LSAMP: variants seen among roughly 807,000 people sequenced by gnomAD.
LSAMP encodes the protein limbic system-associated membrane protein.
In LSAMP, 7 loss-of-function variants were observed where a neutral mutation model predicts 38.6. The observed-to-expected ratio is 0.18, with a 90% CI of 0.10 to 0.34. LSAMP has a LOEUF of 0.34. Ranked by LOEUF, LSAMP falls within the 10% of genes least tolerant of loss-of-function variation. The pLI is 1.00. For missense variants in LSAMP, 313 were observed against 420.0 expected (o/e 0.75, Z 2.23); for synonymous variants, 154 against 166.8 (o/e 0.92, Z 0.59).
At chr3:116,308,870 GA>G (rs1388841218) in intron 1 of LSAMP, among the ~76,000 whole-genome samples, 1 of 152,040 alleles carries the variant, frequency 6.6e-6, no homozygotes, top group Non-Finnish European at 1.5e-5. Context: ...ACAAACGTAA[GA>G]TATCATCATT....
chr3:116,097,537 TAATA>T (rs1248890201), intron 1 of LSAMP, among the ~76,000 whole-genome samples: 2 of 152,200 alleles, frequency 1.3e-5, no homozygotes, highest in African/African-American at 4.8e-5. Context: ...ACATGACAAT[TAATA>T]GATACAACAT....
chr3:115,862,332 C>T (rs547584823), intron 3 of LSAMP, among the ~76,000 whole-genome samples: 3 of 152,184 alleles, frequency 2.0e-5, no homozygotes, highest in Non-Finnish European at 4.4e-5. Context: ...AGGGTGATTG[C>T]ACTATGGAAG....
At chr3:116,329,221 C>T (rs575854691) in intron 1 of LSAMP, among the ~76,000 whole-genome samples, 1 of 152,208 alleles carries the variant, frequency 6.6e-6, no homozygotes, top group Non-Finnish European at 1.5e-5. Context: ...TTACAACAGC[C>T]CAGTGAATTT....
chr3:115,985,247 C>G (rs888213178), intron 3 of LSAMP, among the ~76,000 whole-genome samples: 4 of 152,084 alleles, frequency 2.6e-5, no homozygotes, highest in African/African-American at 7.2e-5. Flanking sequence ...AGTACCAAAG[C>G]GTTGCTGGAA....
At chr3:116,424,667 C>T (rs568218614) in intron 1 of LSAMP, among the ~76,000 whole-genome samples, 3 of 152,280 alleles carry the variant, frequency 2.0e-5, no homozygotes, top group South Asian at 2.1e-4. Flanking sequence ...TTAAATACCA[C>T]ATTACTTACC....
chr3:116,296,564 G>A (rs1045246681), intron 1 of LSAMP, among the ~76,000 whole-genome samples: 2 of 151,794 alleles, frequency 1.3e-5, no homozygotes, highest in Non-Finnish European at 2.9e-5. Flanking sequence ...GTGCCGTGGC[G>A]GGCGCCCGTA....
chr3:115,812,396 C>G (rs1462145731), intron 6 of LSAMP, among the ~76,000 whole-genome samples: 1 of 152,084 alleles, frequency 6.6e-6, no homozygotes, highest in Admixed American at 6.5e-5. Context: ...CATGAAAGCA[C>G]CCGATTAGTA....
intron 1 of LSAMP, among the ~76,000 whole-genome samples, chr3:116,204,851 G>A (rs2046043961): frequency 6.8e-6 from 1 of 147,094 alleles, no homozygotes; most frequent in Non-Finnish European, 1.5e-5. Flanking sequence ...CTCCAGCTTT[G>A]TTCTTTTGGC....
chr3:115,998,036 A>G (rs1490532121), intron 3 of LSAMP, among the ~76,000 whole-genome samples: 1 of 150,742 alleles, frequency 6.6e-6, no homozygotes, highest in Non-Finnish European at 1.5e-5. Context: ...CTTGGCCTCA[A>G]CCCACTAGAT....
chr3:116,041,811 C>CAAA (rs763365903), intron 2 of LSAMP, among the ~76,000 whole-genome samples: 1 of 89,372 alleles, frequency 1.1e-5, no homozygotes, highest in Non-Finnish European at 2.4e-5. Context: ...AAAAACAAAA[C>CAAA]AAAACAAAAA....
intron 1 of LSAMP, among the ~76,000 whole-genome samples, chr3:116,392,173 G>A (rs2048710230): frequency 6.6e-6 from 1 of 152,192 alleles, no homozygotes; most frequent in South Asian, 2.1e-4. Flanking sequence ...CTGAGCCAGT[G>A]GGAGCTGGGG....
chr3:115,908,761 C>A (rs1937071060), intron 3 of LSAMP, among the ~76,000 whole-genome samples: 1 of 152,096 alleles, frequency 6.6e-6, no homozygotes, highest in South Asian at 2.1e-4. Context: ...ATGGAATTTG[C>A]AGGAAATAAA....
rs573644064 is a variant in LSAMP, at chr3:115,811,204, C to T, written c.920-790G>A. 2.6e-5 allele frequency among the ~76,000 whole-genome samples: 4 copies of T among 152,256 alleles called. No homozygotes were observed. The East Asian group carries it at 7.7e-4, about 29-fold the overall frequency. On this transcript the variant is annotated intron_variant, in intron 6 of 6. Transcript: ENST00000490035. ...GGCCATCCGTGTTTCCTGCTGCCAC[C>T]TTAGTTTTCCCAATGTGGACACAAT...
intron 3 of LSAMP, among the ~76,000 whole-genome samples, chr3:115,953,912 C>T (rs962316574): frequency 6.6e-6 from 1 of 152,098 alleles, no homozygotes; most frequent in African/African-American, 2.4e-5. Flanking sequence ...TTGGTTCTTA[C>T]CTTTCATTTC....
rs189638107 is a variant in LSAMP, at chr3:116,081,324, C to T, written c.388+5000G>A. ...TAAAAATTAGGCAGGCATGATGGCA[C>T]GCGCCTGTAGTCCCAGCTACTTGGG... On this transcript the variant is annotated intron_variant, in intron 2 of 6. Transcript: ENST00000490035. 3.0e-3 allele frequency among the ~76,000 whole-genome samples: 449 copies of T among 151,940 alleles called. 5 individuals are homozygous for T. Among genetic ancestry groups the T allele is most frequent in the African/African-American group, 9.9e-3 (411 of 41,422 alleles).
chr3:116,420,738 G>A (rs1576211035), intron 1 of LSAMP, among the ~76,000 whole-genome samples: 1 of 152,038 alleles, frequency 6.6e-6, no homozygotes, highest in Admixed American at 6.6e-5. Context: ...TTAGCCGGGC[G>A]TGGTGGTATG....
rs1333468179 is a variant in LSAMP at position 115,810,421 on chromosome 3, A to G, written c.920-7T>C. 1.3e-6 allele frequency: 2 copies of G among 1,599,236 alleles called. No individual in the cohort carries two copies. The highest frequency in any genetic ancestry group is 1.7e-5 in the Admixed American group (1 of 59,870). Reference sequence around the variant, plus strand: ...CCTCTCACCGACCCAGGTCCTGCAGAGCAAAAGAGGAGAGAGAAAAAGAGA... The same window carrying G: ...CCTCTCACCGACCCAGGTCCTGCAGGGCAAAAGAGGAGAGAGAAAAAGAGA... On this transcript the variant is annotated splice_region_variant and splice_polypyrimidine_tract_variant and intron_variant, in intron 6 of 6. Transcript: ENST00000490035.
At chr3:115,890,055 TC>T (rs1355386683) in intron 3 of LSAMP, among the ~76,000 whole-genome samples, 1 of 151,940 alleles carries the variant, frequency 6.6e-6, no homozygotes, top group Non-Finnish European at 1.5e-5. Flanking sequence ...AAACAGTATA[TC>T]CCTTCATTCT....
At chr3:116,238,295 T>C (rs1417446849) in intron 1 of LSAMP, among the ~76,000 whole-genome samples, 1 of 152,212 alleles carries the variant, frequency 6.6e-6, no homozygotes. Flanking sequence ...TAAACTAACC[T>C]AAGCTGTTTT....
Sources: allele counts gnomAD v4.1 joint callset (sites outside exome capture counted in the v4.1 genomes callset), GRCh38; gene constraint gnomAD v4.1.1; transcripts MANE v1.5; gene names NCBI Gene and HGNC (gene_info 2026-07-23, HGNC 2026-07-21).